The following MAGI2 variants were observed in gnomAD, a reference collection of about 807,000 sequenced individuals.
The protein encoded by MAGI2 is membrane-associated guanylate kinase, WW and PDZ domain-containing protein 2.
In MAGI2, 35 loss-of-function variants were observed where a neutral mutation model predicts 133.3. The observed-to-expected ratio is 0.26, with a 90% CI of 0.20 to 0.35. The LOEUF (loss-of-function observed/expected upper bound fraction) is 0.35. Among genes scored for constraint, MAGI2 ranks in the 10% least tolerant of loss-of-function variants. The probability of loss-of-function intolerance (pLI) is 1.00; values close to 1 mark genes in which losing one functional copy is unlikely to be tolerated. For missense variants in MAGI2, 1,636 were observed against 1,863.4 expected (o/e 0.88, Z 2.25); for synonymous variants, 729 against 710.6 (o/e 1.03, Z -0.41).
At chr7:78,410,003 A>G (rs1291395227) in intron 6 of MAGI2, among the ~76,000 whole-genome samples, 1 of 152,022 alleles carries the variant, frequency 6.6e-6, no homozygotes. Context: ...GGATCCTGAA[A>G]GGACCGTCAT....
intron 1 of MAGI2, chr7:79,354,499 A>C (rs1007281226): frequency 6.6e-6 from 1 of 152,172 alleles, no homozygotes; most frequent in East Asian, 1.9e-4. Context: ...CCACACACAA[A>C]CTTACCCACT....
chr7:79,387,754 T>A (rs144908076), intron 1 of MAGI2, among the ~76,000 whole-genome samples: 4 of 152,046 alleles, frequency 2.6e-5, no homozygotes, highest in Non-Finnish European at 5.9e-5. Flanking sequence ...TATATTCTAA[T>A]TTCATAGTAG....
At chr7:79,333,327 C>T (rs1840218685) in intron 1 of MAGI2, among the ~76,000 whole-genome samples, 1 of 152,034 alleles carries the variant, frequency 6.6e-6, no homozygotes, top group African/African-American at 2.4e-5. Context: ...AGGGTTTCAC[C>T]ATGTTGGCCA....
chr7:79,036,885 G>A (rs1811176661), intron 1 of MAGI2, among the ~76,000 whole-genome samples: 1 of 152,108 alleles, frequency 6.6e-6, no homozygotes, highest in Non-Finnish European at 1.5e-5. Flanking sequence ...TTAACAAATT[G>A]AGCAGTTTCA....
intron 6 of MAGI2, among the ~76,000 whole-genome samples, chr7:78,482,887 A>ACC (rs974723377): frequency 6.5e-5 from 8 of 123,452 alleles, no homozygotes; most frequent in African/African-American, 3.7e-4. Flanking sequence ...CTACACACAC[A>ACC]CACACACACA....
intron 10 of MAGI2, among the ~76,000 whole-genome samples, chr7:78,231,039 C>T (rs762296611): frequency 2.0e-5 from 3 of 152,148 alleles, no homozygotes; most frequent in Admixed American, 2.0e-4. Context: ...ATTCAAGGGT[C>T]AGGCTTCATG....
intron 2 of MAGI2, among the ~76,000 whole-genome samples, chr7:78,855,956 G>A (rs542025224): frequency 6.6e-6 from 1 of 152,216 alleles, no homozygotes; most frequent in African/African-American, 2.4e-5. Context: ...TCTAACAGGT[G>A]TGAGATGGTA....
At chr7:78,628,654 A>AT (rs1210040889) in intron 2 of MAGI2, among the ~76,000 whole-genome samples, 5 of 151,114 alleles carry the variant, frequency 3.3e-5, no homozygotes, top group East Asian at 1.9e-4. Context: ...TGCAAAAACA[A>AT]TTTTTTTCCA....
At chr7:78,243,438 C>A (rs10232186) in intron 10 of MAGI2, among the ~76,000 whole-genome samples, 100,780 of 152,130 alleles carry the variant, frequency 0.66, 33,667 homozygotes, top group Admixed American at 0.72. Context: ...ATTAATACTT[C>A]TAGCTTTACT....
chr7:78,575,163 A>C (rs1400246583), intron 3 of MAGI2, among the ~76,000 whole-genome samples: 1 of 148,352 alleles, frequency 6.7e-6, no homozygotes, highest in Non-Finnish European at 1.5e-5. Flanking sequence ...AAACACTTTA[A>C]AAAAAAATCT....
At chr7:78,952,341 T>G (rs2151703802) in intron 2 of MAGI2, among the ~76,000 whole-genome samples, 1 of 152,294 alleles carries the variant, frequency 6.6e-6, no homozygotes, top group Non-Finnish European at 1.5e-5. Context: ...TAGCTAAAAC[T>G]GAATAGTTTT....
intron 21 of MAGI2, among the ~76,000 whole-genome samples, chr7:78,069,304 G>A (rs945202243): frequency 2.0e-5 from 3 of 152,054 alleles, no homozygotes; most frequent in Admixed American, 2.0e-4. Context: ...CAATCCCCAG[G>A]ATATATTCCC....
chr7:78,201,106 A>G, intron 11 of MAGI2, 56 bp downstream of exon 11: 1 of 1,186,476 alleles, frequency 8.4e-7, no homozygotes, highest in Non-Finnish European at 1.2e-6. Context: ...CTTTTATTAA[A>G]TGAAATTGCA....
chr7:78,797,727 A>G (rs530887790), intron 2 of MAGI2, among the ~76,000 whole-genome samples: 1 of 152,272 alleles, frequency 6.6e-6, no homozygotes, highest in South Asian at 2.1e-4. Context: ...TTTTATTCAA[A>G]CAATTTCAAA....
Position 78,127,826 on chromosome 7 carries a change from T to C in MAGI2, c.3204-410A>G, listed in dbSNP as rs546632288. On this transcript the variant is annotated intron_variant, in intron 18 of 21. Transcript: ENST00000354212. ...CCTTCCTCTCTCACTCTTACTTTTTTCTCTCACACACACCCCTTGGCAGAT... is the reference window on the plus strand; with the variant it reads ...CCTTCCTCTCTCACTCTTACTTTTTCCTCTCACACACACCCCTTGGCAGAT... Among the ~76,000 whole-genome samples the C allele has an allele frequency of 2.0e-5, 3 of 152,246 alleles. No homozygotes were observed. In the South Asian group the frequency reaches 6.2e-4, roughly 32 times the overall value.
At chr7:79,408,400 G>A (rs1488927956) in intron 1 of MAGI2, among the ~76,000 whole-genome samples, 1 of 151,826 alleles carries the variant, frequency 6.6e-6, no homozygotes, top group Admixed American at 6.6e-5. Context: ...ATCAAAGTTA[G>A]CAAAAAATGT....
chr7:78,133,506 C>A (rs1001653956), intron 17 of MAGI2, among the ~76,000 whole-genome samples: 1 of 152,116 alleles, frequency 6.6e-6, no homozygotes, highest in African/African-American at 2.4e-5. Flanking sequence ...TTTTTACAAT[C>A]TTTTCCTCAT....
At chr7:78,342,744 G>A (rs1231671302) in intron 9 of MAGI2, among the ~76,000 whole-genome samples, 1 of 152,166 alleles carries the variant, frequency 6.6e-6, no homozygotes, top group African/African-American at 2.4e-5. Flanking sequence ...TTACTCATAA[G>A]TGGGAGTTGA....
chr7:79,078,946 A>C (rs1431824123), intron 1 of MAGI2, among the ~76,000 whole-genome samples: 1 of 152,166 alleles, frequency 6.6e-6, no homozygotes, highest in Non-Finnish European at 1.5e-5. Flanking sequence ...GAAGAAAATA[A>C]TTAAAATACT....
Sources: allele counts gnomAD v4.1 joint callset (sites outside exome capture counted in the v4.1 genomes callset), GRCh38; gene constraint gnomAD v4.1.1; transcripts MANE v1.5; gene names NCBI Gene and HGNC (gene_info 2026-07-23, HGNC 2026-07-21).